Variants in ADAMTS18 observed in about 807,000 individuals in gnomAD.
ADAMTS18 encodes A disintegrin and metalloproteinase with thrombospondin motifs 18.
Under a neutral mutation model 165.9 loss-of-function variants are expected in ADAMTS18, and 157 were observed. The observed-to-expected ratio is 0.95, with a 90% CI of 0.83 to 1.08. The LOEUF is 1.08. Ranked by LOEUF, ADAMTS18 falls within the 50% of genes least tolerant of loss-of-function variation. ADAMTS18 has a pLI of 0.00. For missense variants in ADAMTS18, 2,040 were observed against 1,534.0 expected, an observed-to-expected ratio of 1.33 and a Z score of -5.51; for synonymous variants, 782 against 578.2, an observed-to-expected ratio of 1.35 and a Z score of -5.06.
At chr16:77,386,959 T>G (rs2057116383) in intron 3 of ADAMTS18, among the ~76,000 whole-genome samples, 1 of 152,170 alleles carries the variant, frequency 6.6e-6, no homozygotes, top group African/African-American at 2.4e-5. Flanking sequence ...GGTAAACACT[T>G]CTGTTGGGTG....
rs372573663 is a variant in ADAMTS18 at position 77,431,473 on chromosome 16, T to C, written c.317A>G (p.Gln106Arg). The C allele has an allele frequency of 4.2e-5, 68 of 1,614,128 alleles. No individual in the cohort carries two copies. Among genetic ancestry groups the C allele is most frequent in the Non-Finnish European group, 5.6e-5 (66 of 1,180,050 alleles). Residue 106 changes from glutamine (Q) to arginine (R), a missense_variant, in exon 3 of 23, where the codon CAG becomes CGG. Physicochemically the swap from Gln to Arg is conservative, Grantham distance 43. Coordinates refer to ENST00000282849, the MANE Select transcript of ADAMTS18 (RefSeq NM_199355.4). ...GGGCTTAAGTTCTAAGTGCAGTTCC[T>C]GTCCAAATGCTGAAAATCGGTAGTG... ...SLHYRFSAFG[Q>R]ELHLELKPSA...
chr16:77,395,829 G>A (rs1471320372), intron 3 of ADAMTS18, among the ~76,000 whole-genome samples: 1 of 152,056 alleles, frequency 6.6e-6, no homozygotes, highest in Non-Finnish European at 1.5e-5. Flanking sequence ...AAGCCTTTTG[G>A]TATTTTTAGG....
chr16:77,429,005 G>C (rs2057706691), intron 3 of ADAMTS18, among the ~76,000 whole-genome samples: 1 of 152,168 alleles, frequency 6.6e-6, no homozygotes, highest in Non-Finnish European at 1.5e-5. Flanking sequence ...GTGTAAATTA[G>C]TTCAACCATT....
chr16:77,292,857 T>C (rs142760090), intron 20 of ADAMTS18, among the ~76,000 whole-genome samples: 2,458 of 152,058 alleles, frequency 0.016, 65 homozygotes, highest in African/African-American at 0.056. Flanking sequence ...TCTCACTCTG[T>C]CGCCCAGGCT....
intron 3 of ADAMTS18, among the ~76,000 whole-genome samples, chr16:77,402,236 T>C (rs1230816918): frequency 6.6e-6 from 1 of 152,208 alleles, no homozygotes; most frequent in East Asian, 1.9e-4. Context: ...AGATACTCAA[T>C]TTCCTAAGTT....
At chr16:77,307,881 T>G (rs1032541321) in intron 16 of ADAMTS18, among the ~76,000 whole-genome samples, 1 of 152,160 alleles carries the variant, frequency 6.6e-6, no homozygotes, top group African/African-American at 2.4e-5. Context: ...AAGGTAATAC[T>G]TCGTCAGTGG....
In ADAMTS18 at chr16:77,434,641, G is replaced by C. The variant is rs1415472928; in HGVS notation, c.55C>G (p.Pro19Ala). 2 of 1,484,578 alleles carry C rather than the reference G, an allele frequency of 1.3e-6. No homozygotes were observed. Among genetic ancestry groups the C allele is most frequent in the Non-Finnish European group, 1.8e-6 (2 of 1,124,732 alleles). 92.0% of individuals were successfully genotyped at this position (1,484,578 alleles called of 1,614,324 possible). The change falls in exon 1 of 23, where the codon CCG becomes GCG. Residue 19 changes from proline to alanine, a missense_variant. By Grantham distance (27) the Pro-to-Ala change is conservative. Coordinates refer to ENST00000282849, the MANE Select transcript of ADAMTS18 (RefSeq NM_199355.4). Reference protein sequence around the residue: ...CAFPAAGSGPPRGLAGLGRVA... With the variant: ...CAFPAAGSGPARGLAGLGRVA... ...CGCCCCAGTCCCGCCAGGCCCCTCG[G>C]CGGGCCCGAACCCGCAGCCGGGAAG...
intron 3 of ADAMTS18, among the ~76,000 whole-genome samples, chr16:77,425,835 G>T (rs1321950838): frequency 6.6e-6 from 1 of 152,128 alleles, no homozygotes; most frequent in African/African-American, 2.4e-5. Flanking sequence ...CTGAGGTGAG[G>T]AGTTCAACAC....
At chr16:77,383,070 G>A (rs991263164) in intron 3 of ADAMTS18, among the ~76,000 whole-genome samples, 2 of 152,120 alleles carry the variant, frequency 1.3e-5, no homozygotes, top group Admixed American at 6.5e-5. Context: ...GACAAATTGC[G>A]ATGAACAACT....
chr16:77,396,901 G>C (rs1226138461), intron 3 of ADAMTS18, among the ~76,000 whole-genome samples: 1 of 151,840 alleles, frequency 6.6e-6, no homozygotes, highest in East Asian at 1.9e-4. Flanking sequence ...CTGCCCCCTG[G>C]ATTCAAGCGA....
Position 77,322,364 on chromosome 16 carries a change from T to C in ADAMTS18, c.2135A>G (p.Asn712Ser), listed in dbSNP as rs1300694410. Residue 712 changes from asparagine (N) to serine (S), a missense_variant, in exon 14 of 23, where the codon AAT becomes AGT. Physicochemically the swap from Asn to Ser is conservative, Grantham distance 46. Coordinates refer to ENST00000282849, the MANE Select transcript of ADAMTS18 (RefSeq NM_199355.4). ...KDGTPCSPNKNDVCIDGVCEL... is the reference protein window; with the variant it reads ...KDGTPCSPNKSDVCIDGVCEL... ...ACAAACCCCGTCAATACAAACATCA[T>C]TTTTGTTTGGGGAGCAGGGAGTTCC... 21 of 1,613,716 alleles carry C rather than the reference T, an allele frequency of 1.3e-5. No homozygotes were observed. The highest frequency in any genetic ancestry group is 2.2e-5 in the South Asian group (2 of 91,066).
intron 16 of ADAMTS18, among the ~76,000 whole-genome samples, chr16:77,313,612 A>G (rs768607369): frequency 1.2e-4 from 19 of 152,146 alleles, no homozygotes; most frequent in African/African-American, 4.6e-4. Context: ...GCGGTAAAAA[A>G]CGTATTTCTC....
chr16:77,349,636 G>T (rs908972469), intron 10 of ADAMTS18, among the ~76,000 whole-genome samples: 4 of 146,906 alleles, frequency 2.7e-5, no homozygotes, highest in Non-Finnish European at 5.9e-5. Context: ...TCAATTTCCC[G>T]CCATTTCCCC....
intron 9 of ADAMTS18, among the ~76,000 whole-genome samples, chr16:77,355,464 G>C (rs1449698221): frequency 2.0e-5 from 3 of 152,080 alleles, no homozygotes; most frequent in South Asian, 2.1e-4. Flanking sequence ...CATACCATTT[G>C]AGCATTTTTA....
At chr16:77,338,982 T>C (rs983055273) in intron 11 of ADAMTS18, among the ~76,000 whole-genome samples, 1 of 151,446 alleles carries the variant, frequency 6.6e-6, no homozygotes, top group African/African-American at 2.4e-5. Flanking sequence ...GTAAGTGACT[T>C]TCATACTGCC....
chr16:77,338,503 C>A (rs1053325071), intron 11 of ADAMTS18, among the ~76,000 whole-genome samples: 17 of 151,906 alleles, frequency 1.1e-4, no homozygotes, highest in Admixed American at 9.8e-4. Flanking sequence ...CCCCAAAGTG[C>A]TGAGATTACA....
At chr16:77,353,499 G>A (rs2056585066) in intron 10 of ADAMTS18, among the ~76,000 whole-genome samples, 1 of 152,180 alleles carries the variant, frequency 6.6e-6, no homozygotes, top group Non-Finnish European at 1.5e-5. Flanking sequence ...TTCATTTAAA[G>A]AGAAAGAATT....
At chr16:77,392,521 C>A (rs1022177894) in intron 3 of ADAMTS18, among the ~76,000 whole-genome samples, 4 of 152,116 alleles carry the variant, frequency 2.6e-5, no homozygotes, top group African/African-American at 9.7e-5. Context: ...AAATCTCCAC[C>A]CCATCACTTC....
intron 16 of ADAMTS18, among the ~76,000 whole-genome samples, chr16:77,311,700 G>GGTTTTTTTTTTTTTTT (rs141522765): frequency 1.1e-5 from 1 of 94,232 alleles, no homozygotes; most frequent in African/African-American, 3.7e-5. Context: ...GATTACTGGA[G>GGTTTTTTTTTTTTTTT]TTTTCTTTTT....
Sources: allele counts gnomAD v4.1 joint callset (sites outside exome capture counted in the v4.1 genomes callset), GRCh38; gene constraint gnomAD v4.1.1; transcripts MANE v1.5; gene names NCBI Gene and HGNC (gene_info 2026-07-23, HGNC 2026-07-21).